PALS1: variants seen among roughly 807,000 people sequenced by gnomAD.
The protein encoded by PALS1 is protein PALS1.
In PALS1, 31 loss-of-function variants were observed where a neutral mutation model predicts 78.9. The ratio of observed to expected loss-of-function variants is 0.39; its 90% confidence interval spans 0.30 to 0.53. PALS1 has a LOEUF of 0.53. Among genes scored for constraint, PALS1 ranks in the 20% least tolerant of loss-of-function variants. The pLI, the probability that PALS1 is intolerant of heterozygous loss-of-function variation, is 0.67. For synonymous variants in PALS1, 276 were observed against 270.9 expected, an observed-to-expected ratio of 1.02 and a Z score of -0.18; for missense variants, 704 against 826.5, an observed-to-expected ratio of 0.85 and a Z score of 1.82.
chr14:67,331,055 T>C (rs1173827804), intron 14 of PALS1, among the ~76,000 whole-genome samples: 2 of 151,912 alleles, frequency 1.3e-5, no homozygotes, highest in Non-Finnish European at 2.9e-5. Context: ...TATTTCTTTC[T>C]TTTTTTTGAG....
intron 14 of PALS1, among the ~76,000 whole-genome samples, chr14:67,327,111 G>A (rs999605482): frequency 1.4e-4 from 21 of 152,106 alleles, no homozygotes; most frequent in Non-Finnish European, 5.9e-5. Flanking sequence ...GGAGGTGGAG[G>A]TTGCAGTGAA....
At chr14:67,242,704 G>T (rs1047132826) in intron 1 of PALS1, among the ~76,000 whole-genome samples, 15 of 151,902 alleles carry the variant, frequency 9.9e-5, no homozygotes, top group Non-Finnish European at 2.1e-4. Flanking sequence ...GCGGCAGGAT[G>T]AGCTATTAAA....
intron 4 of PALS1, among the ~76,000 whole-genome samples, chr14:67,297,517 A>T (rs1232625238): frequency 6.6e-6 from 1 of 152,218 alleles, no homozygotes; most frequent in Admixed American, 6.5e-5. Context: ...CATGATTGCG[A>T]ATCTACTGAA....
At chr14:67,289,816 G>C (rs1463419692) in intron 3 of PALS1, among the ~76,000 whole-genome samples, 1 of 136,038 alleles carries the variant, frequency 7.4e-6, no homozygotes, top group Non-Finnish European at 1.5e-5. Flanking sequence ...TGTCGCCCAA[G>C]CTGGAGTGCA....
Position 67,292,687 on chromosome 14 carries a change from C to T in PALS1, c.544C>T (p.Leu182Phe), listed in dbSNP as rs752545991. 2 of 1,613,552 alleles carry T rather than the reference C, an allele frequency of 1.2e-6. No individual in the cohort carries two copies. The highest frequency in any genetic ancestry group is 1.7e-6 in the Non-Finnish European group (2 of 1,179,734). ...HMNKASPPFP[L>F]ISNAQDLAQE... ...GAACAAGGCCAGTCCTCCATTTCCT[C>T]TTATCTCCAACGCACAAGATCTTGC... is the stretch of plus-strand genomic sequence containing the variant. The change falls in exon 4 of 15, where the codon CTT (leucine) becomes TTT (phenylalanine). Residue 182 changes from leucine (L) to phenylalanine (F), a missense_variant. Coordinates refer to ENST00000261681, the MANE Select transcript of PALS1 (RefSeq NM_022474.4).
At chr14:67,325,885 T>C (rs993104392) in intron 14 of PALS1, among the ~76,000 whole-genome samples, 1 of 151,696 alleles carries the variant, frequency 6.6e-6, no homozygotes, top group African/African-American at 2.4e-5. Flanking sequence ...CTTGGCTCAC[T>C]GCAACCTCCG....
intron 12 of PALS1, among the ~76,000 whole-genome samples, chr14:67,320,603 T>A (rs72717385): frequency 0.034 from 5,254 of 152,328 alleles, 112 homozygotes; most frequent in East Asian, 0.06. Context: ...TATGTACTGA[T>A]TATTTTCTAA....
rs142640632 is a variant in PALS1 at position 67,246,531 on chromosome 14, A to G, written c.-237+4998A>G. 4.6e-3 allele frequency among the ~76,000 whole-genome samples: 706 copies of G among 152,218 alleles called. 4 individuals are homozygous for G. The highest frequency in any genetic ancestry group is 0.016 in the African/African-American group (672 of 41,540). On this transcript the variant is annotated intron_variant, in intron 1 of 14. Transcript: ENST00000261681. ...ATTTTTAAAATTTTTTGTAGAGACAAGATCTCCCTATATTGCCCAAGCTGG... is the reference window on the plus strand; with the variant it reads ...ATTTTTAAAATTTTTTGTAGAGACAGGATCTCCCTATATTGCCCAAGCTGG...
At chr14:67,313,531 C>T (rs540461097) in intron 9 of PALS1, among the ~76,000 whole-genome samples, 1 of 151,960 alleles carries the variant, frequency 6.6e-6, no homozygotes, top group Non-Finnish European at 1.5e-5. Context: ...TCTTACAGTT[C>T]CCAGGATGGC....
At chr14:67,298,621 A>C (rs2084891587) in intron 4 of PALS1, among the ~76,000 whole-genome samples, 1 of 152,234 alleles carries the variant, frequency 6.6e-6, no homozygotes, top group Non-Finnish European at 1.5e-5. Flanking sequence ...AAATTTTCTC[A>C]AAGTTTAGAT....
chr14:67,258,773 A>G (rs1271261746), intron 1 of PALS1, among the ~76,000 whole-genome samples: 4 of 151,992 alleles, frequency 2.6e-5, no homozygotes, highest in Non-Finnish European at 5.9e-5. Context: ...AATAGTTCTT[A>G]ATAAGTTATT....
At chr14:67,275,162 T>C (rs2084481388) in intron 2 of PALS1, among the ~76,000 whole-genome samples, 1 of 152,212 alleles carries the variant, frequency 6.6e-6, no homozygotes, top group Non-Finnish European at 1.5e-5. Context: ...CTGTGTTGAA[T>C]AGGAGTGGTG....
chr14:67,257,431 C>G (rs781493584), intron 1 of PALS1, among the ~76,000 whole-genome samples: 2 of 152,082 alleles, frequency 1.3e-5, no homozygotes, highest in African/African-American at 4.8e-5. Context: ...TAGTTCCCAG[C>G]TTGACTTTTC....
chr14:67,316,081 GA>G (rs531066671), intron 9 of PALS1, among the ~76,000 whole-genome samples: 10 of 151,908 alleles, frequency 6.6e-5, no homozygotes, highest in Admixed American at 1.3e-4. Context: ...GCTTTACACT[GA>G]AAAAAAGTAG....
intron 8 of PALS1, among the ~76,000 whole-genome samples, chr14:67,309,005 T>TA (rs535737325): frequency 6.6e-6 from 1 of 152,038 alleles, no homozygotes; most frequent in East Asian, 1.9e-4. Flanking sequence ...TTATAGATAT[T>TA]AAAAAAAGGA....
intron 1 of PALS1, among the ~76,000 whole-genome samples, chr14:67,254,873 G>A (rs779071112): frequency 5.9e-5 from 9 of 152,122 alleles, no homozygotes; most frequent in Non-Finnish European, 1.0e-4. Context: ...ATCTCTGGCC[G>A]GGCGCAGTGG....
chr14:67,286,046 G>T (rs1316357099), intron 3 of PALS1, among the ~76,000 whole-genome samples: 1 of 152,150 alleles, frequency 6.6e-6, no homozygotes, highest in African/African-American at 2.4e-5. Context: ...AATCAGGTAA[G>T]AGGAAATAGC....
At chr14:67,276,205 A>T (rs1363960052) in intron 2 of PALS1, among the ~76,000 whole-genome samples, 2 of 151,682 alleles carry the variant, frequency 1.3e-5, no homozygotes, top group Non-Finnish European at 2.9e-5. Flanking sequence ...CAGGGTAAAG[A>T]TCTAAAACTC....
chr14:67,273,776 C>T (rs968135544), intron 2 of PALS1, among the ~76,000 whole-genome samples: 6 of 152,180 alleles, frequency 3.9e-5, no homozygotes, highest in Admixed American at 6.5e-5. Flanking sequence ...ACATCCTCTC[C>T]GGCACCTGTT....
Sources: gnomAD v4.1 joint callset for allele counts (sites outside exome capture counted in the v4.1 genomes callset) on GRCh38, gnomAD v4.1.1 for gene constraint, MANE v1.5 for transcripts, NCBI Gene and HGNC (gene_info 2026-07-23, HGNC 2026-07-21) for gene names.